The following KIAA1671 variants were observed in gnomAD, a reference collection of about 807,000 sequenced individuals.
The protein encoded by KIAA1671 is uncharacterized protein KIAA1671.
In KIAA1671, 52 loss-of-function variants were observed where a neutral mutation model predicts 131.2. The observed-to-expected ratio is 0.40, with a 90% confidence interval of 0.32 to 0.50. The LOEUF is 0.50. Among genes scored for constraint, KIAA1671 ranks in the 20% least tolerant of loss-of-function variants. KIAA1671 has a pLI of 0.73. For synonymous variants in KIAA1671, 1,003 were observed against 961.6 expected, an observed-to-expected ratio of 1.04 and a Z score of -0.80; for missense variants, 2,360 against 2,364.2, an observed-to-expected ratio of 1.00 and a Z score of 0.04.
intron 6 of KIAA1671, chr22:25,064,881 C>T (rs1262976329): frequency 6.6e-6 from 1 of 152,272 alleles, no homozygotes; most frequent in African/African-American, 2.4e-5. Flanking sequence ...GCCCCGAGAC[C>T]ACAGAGATAA....
intron 6 of KIAA1671, among the ~76,000 whole-genome samples, chr22:25,153,488 A>G (rs28631962): frequency 6.6e-6 from 1 of 152,208 alleles, no homozygotes. Context: ...GGGGAATCTC[A>G]CAATATGCAA....
chr22:25,155,190 TACCTTCTGAAGAGGCA>T (rs1933187759), intron 6 of KIAA1671, among the ~76,000 whole-genome samples: 1 of 152,250 alleles, frequency 6.6e-6, no homozygotes, highest in South Asian at 2.1e-4. Flanking sequence ...CTTCAATTTC[TACCTTCTGAAGAGGCA>T]GTCATTGTTT....
At position 25,028,776 on chromosome 22, in the gene KIAA1671, C is replaced by T. The variant is rs1926105714; in HGVS notation, c.777C>T (p.Gly259=). Residue 259 remains glycine (G), a synonymous_variant, in exon 3 of 13, where the codon GGC becomes GGT. Coordinates refer to ENST00000358431, the MANE Select transcript of KIAA1671 (RefSeq NM_001145206.2). The stretch of plus-strand genomic sequence containing the variant: ...TTCAGCCTCAGAAGCCAGGCCCCGG[C>T]GCAGCGGCCACAGTGGGCAAAGTGC... The part of the protein sequence containing the change: ...ESIQPQKPGP[G]AAATVGKVPP... 3.9e-6 allele frequency: 6 copies of T among 1,551,164 alleles called. No homozygotes were observed. The highest frequency in any genetic ancestry group is 5.2e-6 in the Non-Finnish European group (6 of 1,147,016).
At chr22:25,175,526 A>C (rs1480506354) in intron 8 of KIAA1671, 1 of 152,140 alleles carries the variant, frequency 6.6e-6, no homozygotes, top group East Asian at 1.9e-4. Flanking sequence ...TTATATAACC[A>C]TGGCCATGCC....
At chr22:25,108,834 C>A (rs1931171211) in intron 6 of KIAA1671, among the ~76,000 whole-genome samples, 1 of 152,092 alleles carries the variant, frequency 6.6e-6, no homozygotes, top group Non-Finnish European at 1.5e-5. Context: ...CTTGGAATTT[C>A]TTATGACGTT....
At chr22:25,034,365 C>T (rs1303089276) in intron 4 of KIAA1671, among the ~76,000 whole-genome samples, 1 of 152,084 alleles carries the variant, frequency 6.6e-6, no homozygotes, top group African/African-American at 2.4e-5. Flanking sequence ...TAATCTCTCC[C>T]TTCCCCTGCT....
At chr22:25,082,762 G>A (rs934181140) in intron 6 of KIAA1671, among the ~76,000 whole-genome samples, 1 of 152,194 alleles carries the variant, frequency 6.6e-6, no homozygotes, top group Non-Finnish European at 1.5e-5. Context: ...GAACCCAGGA[G>A]TTGGAGGCTG....
chr22:25,021,373 A>C (rs1925656902), intron 1 of KIAA1671, among the ~76,000 whole-genome samples: 1 of 151,724 alleles, frequency 6.6e-6, no homozygotes, highest in Non-Finnish European at 1.5e-5. Context: ...GCTGATTTTA[A>C]ATGTCCCTTC....
chr22:25,011,231 C>T (rs1483242023), intron 1 of KIAA1671: 1 of 152,058 alleles, frequency 6.6e-6, no homozygotes, highest in Non-Finnish European at 1.5e-5. Context: ...GAGACGTCCG[C>T]CTCCTTCCTG....
intron 6 of KIAA1671, among the ~76,000 whole-genome samples, chr22:25,143,076 T>C (rs1932829236): frequency 6.6e-6 from 1 of 152,204 alleles, no homozygotes; most frequent in African/African-American, 2.4e-5. Flanking sequence ...TTCACAAGCC[T>C]TCACCCTTTT....
At chr22:24,993,796 G>A (rs2123851034) in intron 1 of KIAA1671, among the ~76,000 whole-genome samples, 1 of 152,186 alleles carries the variant, frequency 6.6e-6, no homozygotes, top group South Asian at 2.1e-4. Flanking sequence ...TTCAGCAAGT[G>A]CAGCCGGGTA....
At chr22:24,995,050 T>G (rs987577127) in intron 1 of KIAA1671, among the ~76,000 whole-genome samples, 2 of 150,804 alleles carry the variant, frequency 1.3e-5, no homozygotes, top group Non-Finnish European at 3.0e-5. Flanking sequence ...TGTTAGGTTT[T>G]TTTTTTTTTT....
At chr22:25,024,887 GC>G (rs71322706) in intron 1 of KIAA1671, among the ~76,000 whole-genome samples, 27,199 of 151,814 alleles carry the variant, frequency 0.18, 2,550 homozygotes, top group Middle Eastern at 0.21. Flanking sequence ...GTCCTGCCAA[GC>G]CTCCGAGTGT....
chr22:25,187,007 C>T (rs1934496001), intron 11 of KIAA1671, among the ~76,000 whole-genome samples: 1 of 152,164 alleles, frequency 6.6e-6, no homozygotes, highest in South Asian at 2.1e-4. Context: ...TCTGGAGTAC[C>T]CTAGACCCCC....
Position 25,194,219 on chromosome 22 carries a change from G to T in KIAA1671, c.*1818G>T, listed in dbSNP as rs1057099157. The stretch of plus-strand genomic sequence containing the variant: ...CTCCCAAGTAGCTGGGACTACAGGT[G>T]TATGCTACCATGACCAGCTAATTTT... On this transcript the variant is annotated 3_prime_UTR_variant, in exon 13 of 13. Coordinates refer to ENST00000358431, the MANE Select transcript of KIAA1671 (RefSeq NM_001145206.2). The T allele has an allele frequency of 1.3e-5, 2 of 152,186 alleles. No individual in the cohort carries two copies. The allele number at this position is 152,186 out of a possible 1,614,324, so 9.4% of individuals were successfully genotyped here. A position where few individuals can be genotyped will look rare whatever the true frequency, so the allele number is the denominator to read the frequency against.
At chr22:25,035,036 CTT>C (rs143999685) in intron 4 of KIAA1671, among the ~76,000 whole-genome samples, 14,998 of 117,540 alleles carry the variant, frequency 0.13, 786 homozygotes, top group South Asian at 0.22. Context: ...TGCGCCTGGC[CTT>C]TTTTTTTTTT....
chr22:25,114,049 A>T (rs1029884958), intron 6 of KIAA1671, among the ~76,000 whole-genome samples: 1 of 152,186 alleles, frequency 6.6e-6, no homozygotes, highest in Admixed American at 6.5e-5. Flanking sequence ...CCTGTGTTAC[A>T]GGTTGGTGCC....
intron 6 of KIAA1671, among the ~76,000 whole-genome samples, chr22:25,160,849 C>T (rs1933419947): frequency 6.6e-6 from 1 of 152,222 alleles, no homozygotes; most frequent in Admixed American, 6.5e-5. Flanking sequence ...GGGGATGGGG[C>T]AAGACTTGGC....
chr22:25,184,847 G>A, intron 10 of KIAA1671, 130 bp from the exon 11 acceptor site: 1 of 974,068 alleles, frequency 1.0e-6, no homozygotes, highest in Non-Finnish European at 1.6e-6. Context: ...CATGTTTCCT[G>A]TCTGGGTTTA....
Sources: gnomAD v4.1 joint callset for allele counts (sites outside exome capture counted in the v4.1 genomes callset) on GRCh38, gnomAD v4.1.1 for gene constraint, MANE v1.5 for transcripts, NCBI Gene and HGNC (gene_info 2026-07-23, HGNC 2026-07-21) for gene names.